REEP1: variants seen among roughly 807,000 people sequenced by gnomAD.
REEP1 encodes receptor expression-enhancing protein 1.
Under a neutral mutation model 40.3 loss-of-function variants are expected in REEP1, and 22 were observed. That is an observed-to-expected ratio of 0.55 (90% CI 0.39 to 0.78). REEP1 has a LOEUF of 0.78. Among genes scored for constraint, REEP1 ranks in the 30% least tolerant of loss-of-function variants. The probability of loss-of-function intolerance (pLI) is 0.00; values close to 1 mark genes in which losing one functional copy is unlikely to be tolerated. For missense variants in REEP1, 280 were observed against 361.1 expected, an observed-to-expected ratio of 0.78 and a Z score of 1.82; for synonymous variants, 116 against 139.2, an observed-to-expected ratio of 0.83 and a Z score of 1.17.
At chr2:86,281,771 G>A (rs770003372) in intron 2 of REEP1, among the ~76,000 whole-genome samples, 3 of 152,190 alleles carry the variant, frequency 2.0e-5, no homozygotes, top group Admixed American at 6.5e-5. Context: ...ACCAAACCCA[G>A]GTCTGCCAGA....
intron 5 of REEP1, among the ~76,000 whole-genome samples, chr2:86,235,119 G>A (rs1675244504): frequency 6.6e-6 from 1 of 152,122 alleles, no homozygotes; most frequent in South Asian, 2.1e-4. Flanking sequence ...TACTTTTTAT[G>A]GGCAAGAACA....
intron 5 of REEP1, among the ~76,000 whole-genome samples, chr2:86,233,355 C>A (rs186684484): frequency 3.4e-4 from 51 of 152,162 alleles, no homozygotes; most frequent in African/African-American, 1.2e-3. Flanking sequence ...TTACTGTCTA[C>A]GAGGCACATT....
chr2:86,236,895 T>C (rs994559515), intron 5 of REEP1, among the ~76,000 whole-genome samples: 3 of 152,114 alleles, frequency 2.0e-5, no homozygotes, highest in South Asian at 2.1e-4. Flanking sequence ...CCACCACGCC[T>C]GGCTAATTTT....
intron 2 of REEP1, among the ~76,000 whole-genome samples, chr2:86,281,045 A>G (rs1678053806): frequency 6.6e-6 from 1 of 152,188 alleles, no homozygotes; most frequent in South Asian, 2.1e-4. Context: ...CATCATTCAA[A>G]TGTCAGAGCC....
chr2:86,268,954 GC>G lies in REEP1; in HGVS notation c.106-4914del, dbSNP rs1350455040. On this transcript the variant is annotated intron_variant, in intron 2 of 8. Coordinates refer to ENST00000538924, the MANE Select transcript of REEP1 (RefSeq NM_001371279.1). ...TAACAACAATGAAAAATGGATCTAG[GC>G]ACTGACCTTACATCTTTCACAAAGA... 8.5e-5 allele frequency among the ~76,000 whole-genome samples: 13 copies of G among 152,240 alleles called. No homozygotes were observed. In the East Asian group the frequency reaches 2.3e-3, roughly 27 times the overall value.
At chr2:86,318,373 A>G (rs1558934413) in intron 1 of REEP1, among the ~76,000 whole-genome samples, 1 of 150,312 alleles carries the variant, frequency 6.7e-6, no homozygotes, top group South Asian at 2.1e-4. Flanking sequence ...TTTTTCTGGA[A>G]AAAGTAGTTT....
intron 1 of REEP1, among the ~76,000 whole-genome samples, chr2:86,295,329 A>G (rs2104440875): frequency 6.6e-6 from 1 of 152,344 alleles, no homozygotes; most frequent in East Asian, 1.9e-4. Context: ...TAGGAGAGCC[A>G]CTGCTGGCTG....
chr2:86,326,710 C>CT (rs1680525514), intron 1 of REEP1, among the ~76,000 whole-genome samples: 1 of 106,036 alleles, frequency 9.4e-6, no homozygotes, highest in Non-Finnish European at 2.0e-5. Flanking sequence ...AAAACTCCAT[C>CT]TCAAAAAAAA....
chr2:86,266,602 G>T (rs527432091), intron 2 of REEP1, among the ~76,000 whole-genome samples: 184 of 150,936 alleles, frequency 1.2e-3, no homozygotes, highest in Non-Finnish European at 2.1e-3. Flanking sequence ...GTCCGGCCTG[G>T]GCGACAGAGC....
chr2:86,264,051 CAGAA>C lies in REEP1; in HGVS notation c.106-14_106-11del. ...ACATCATCCATTTGACCTGTTGAAACAGAAAGCAACACAGCTGGTAGAAAAGGTC... is the reference window on the plus strand; with the variant it reads ...ACATCATCCATTTGACCTGTTGAAACAGCAACACAGCTGGTAGAAAAGGTC... On this transcript the variant is annotated splice_polypyrimidine_tract_variant and intron_variant, in intron 2 of 8. Transcript: ENST00000538924. The C allele has an allele frequency of 6.2e-7, 1 of 1,605,742 alleles. No homozygotes were observed. The highest frequency in any genetic ancestry group is 1.1e-5 in the South Asian group (1 of 90,910).
chr2:86,256,984 T>C (rs566617701), intron 3 of REEP1, among the ~76,000 whole-genome samples: 1 of 152,250 alleles, frequency 6.6e-6, no homozygotes, highest in South Asian at 2.1e-4. Context: ...ACGCCTCCTT[T>C]CCTCACCAAG....
At chr2:86,267,860 G>T (rs1249940605) in intron 2 of REEP1, among the ~76,000 whole-genome samples, 1 of 150,380 alleles carries the variant, frequency 6.6e-6, no homozygotes, top group Admixed American at 6.6e-5. Flanking sequence ...ACAATAAAAG[G>T]GTACATAACC....
intron 1 of REEP1, among the ~76,000 whole-genome samples, chr2:86,314,176 C>T (rs1241410055): frequency 6.6e-6 from 1 of 152,226 alleles, no homozygotes; most frequent in Admixed American, 6.5e-5. Flanking sequence ...CTTCACCAAG[C>T]CCCACAGTGC....
chr2:86,335,274 T>C (rs1680957685), intron 1 of REEP1, among the ~76,000 whole-genome samples: 1 of 152,204 alleles, frequency 6.6e-6, no homozygotes, highest in Non-Finnish European at 1.5e-5. Flanking sequence ...TATTGCTTAT[T>C]AAAAATGATG....
intron 1 of REEP1, chr2:86,297,886 T>C (rs1357594895): frequency 4.9e-6 from 1 of 203,976 alleles, no homozygotes; most frequent in Non-Finnish European, 8.6e-6. Context: ...CTGTTCCCTT[T>C]CCCTAGATGT....
chr2:86,282,431 C>A (rs1019460232), intron 1 of REEP1, among the ~76,000 whole-genome samples, 189 bp from the exon 2 acceptor site: 2 of 152,074 alleles, frequency 1.3e-5, no homozygotes, highest in African/African-American at 4.8e-5. Context: ...CCTCTATCTT[C>A]TGTTAAAGCC....
intron 2 of REEP1, among the ~76,000 whole-genome samples, chr2:86,271,363 T>A (rs564092398): frequency 6.7e-6 from 1 of 149,794 alleles, no homozygotes; most frequent in South Asian, 2.1e-4. Context: ...GAAAAATCAT[T>A]ACCATACAGA....
At chr2:86,235,243 T>C (rs1675253039) in intron 5 of REEP1, among the ~76,000 whole-genome samples, 1 of 152,140 alleles carries the variant, frequency 6.6e-6, no homozygotes, top group South Asian at 2.1e-4. Flanking sequence ...CTACAGAAAG[T>C]GAAGATTGAG....
At chr2:86,233,924 CAGA>C (rs1675158370) in intron 5 of REEP1, among the ~76,000 whole-genome samples, 1 of 151,696 alleles carries the variant, frequency 6.6e-6, no homozygotes, top group Non-Finnish European at 1.5e-5. Flanking sequence ...TACTGCACAA[CAGA>C]CATAACAGAA....
Sources: allele counts gnomAD v4.1 joint callset (sites outside exome capture counted in the v4.1 genomes callset), GRCh38; gene constraint gnomAD v4.1.1; transcripts MANE v1.5; gene names NCBI Gene and HGNC (gene_info 2026-07-23, HGNC 2026-07-21).